Variants in DPP10 observed in about 807,000 individuals in gnomAD.
DPP10 encodes the protein dipeptidyl peptidase like 10.
In DPP10, 33 loss-of-function variants were observed where a neutral mutation model predicts 120.9. The observed-to-expected ratio is 0.27, with a 90% CI of 0.21 to 0.37. The LOEUF (loss-of-function observed/expected upper bound fraction) is 0.37. DPP10 is among the 10% of genes least tolerant of loss of function. The pLI is 1.00. For synonymous variants in DPP10, 337 were observed against 326.1 expected (o/e 1.03, Z -0.36); for missense variants, 816 against 942.8 (o/e 0.87, Z 1.76).
At chr2:115,808,075 C>T (rs1342583942) in intron 19 of DPP10, among the ~76,000 whole-genome samples, 1 of 152,100 alleles carries the variant, frequency 6.6e-6, no homozygotes, top group Non-Finnish European at 1.5e-5. Flanking sequence ...CGTAAGATAC[C>T]TTTAACATAT....
intron 1 of DPP10, chr2:115,233,996 G>A (rs754597441): frequency 3.9e-6 from 2 of 514,304 alleles, no homozygotes; most frequent in Non-Finnish European, 7.7e-6. Flanking sequence ...AAGTTAAATG[G>A]AGGTAGTGGG....
chr2:114,679,195 T>C (rs563233004), intron 1 of DPP10, among the ~76,000 whole-genome samples: 76 of 152,124 alleles, frequency 5.0e-4, no homozygotes, highest in East Asian at 1.6e-3. Context: ...ATTTCAAAAT[T>C]TTATTTTTGT....
In DPP10 at chr2:114,501,869, A is replaced by T. The variant is rs1683211577; in HGVS notation, c.60+59031A>T. On this transcript the variant is annotated intron_variant, in intron 1 of 25. Coordinates refer to ENST00000410059, the MANE Select transcript of DPP10 (RefSeq NM_020868.6). ...TAATTGATGAAGAAAGTGTCTTTCC[A>T]TCTGGTCAAACACCATTAAAGTGAG... Among the ~76,000 whole-genome samples the T allele has an allele frequency of 4.6e-5, 7 of 151,974 alleles. No homozygotes were observed. In the South Asian group the frequency reaches 1.5e-3, roughly 31 times the overall value.
intron 1 of DPP10, among the ~76,000 whole-genome samples, chr2:115,202,964 AAAC>A (rs1189461145): frequency 1.2e-4 from 18 of 151,392 alleles, no homozygotes; most frequent in South Asian, 4.1e-4. Flanking sequence ...AACAAACAAA[AAAC>A]AACAACAACA....
At chr2:115,612,576 G>A (rs1489737857) in intron 5 of DPP10, among the ~76,000 whole-genome samples, 1 of 152,102 alleles carries the variant, frequency 6.6e-6, no homozygotes, top group Non-Finnish European at 1.5e-5. Context: ...ATAGTGACGT[G>A]TTCTGCCAAA....
chr2:115,447,557 G>C (rs1043889341), intron 3 of DPP10, among the ~76,000 whole-genome samples: 1 of 152,150 alleles, frequency 6.6e-6, no homozygotes, highest in Non-Finnish European at 1.5e-5. Context: ...CTGGTGGTAG[G>C]TGATTGGATC....
intron 1 of DPP10, among the ~76,000 whole-genome samples, chr2:114,790,841 C>A (rs539542718): frequency 1.5e-3 from 229 of 152,296 alleles, no homozygotes; most frequent in African/African-American, 5.2e-3. Flanking sequence ...TTTTGTGATT[C>A]TTCAGTTACT....
At chr2:114,539,228 C>T (rs777223477) in intron 1 of DPP10, among the ~76,000 whole-genome samples, 8 of 147,968 alleles carry the variant, frequency 5.4e-5, no homozygotes, top group Admixed American at 2.0e-4. Flanking sequence ...ACTATTGATA[C>T]AATATATTAA....
chr2:114,996,304 C>T (rs1182781427), intron 1 of DPP10, among the ~76,000 whole-genome samples: 1 of 152,194 alleles, frequency 6.6e-6, no homozygotes, highest in Non-Finnish European at 1.5e-5. Context: ...TCACGTTCTA[C>T]TTTCTCTACT....
intron 1 of DPP10, among the ~76,000 whole-genome samples, chr2:114,741,030 A>G (rs1198287390): frequency 1.3e-5 from 2 of 152,186 alleles, no homozygotes; most frequent in South Asian, 2.1e-4. Flanking sequence ...GGTACTTTAT[A>G]TTTGTGGCAT....
At chr2:115,805,185 G>A (rs1685777838) in intron 19 of DPP10, among the ~76,000 whole-genome samples, 1 of 152,100 alleles carries the variant, frequency 6.6e-6, no homozygotes, top group South Asian at 2.1e-4. Flanking sequence ...TCAGACTGCT[G>A]TGCTAGCAAT....
rs35766316 is a variant in DPP10, at chr2:115,689,701, G to A, written c.456G>A (p.Ser152=). 0.1 allele frequency: 157,862 copies of A among 1,567,468 alleles called. 8,921 individuals carry two copies. The highest frequency in any genetic ancestry group is 0.12 in the Middle Eastern group (675 of 5,824). ...AYDVKQIFHY[S]YTASYVIYNI... is the part of the protein sequence containing the mutation. ...TTTAATTTCAGATTTTTCATTATTC[G>A]TATACTGCTTCATATGTGATTTACA... Residue 152 remains serine (S), a synonymous_variant, in exon 6 of 26, where the codon TCG becomes TCA. Transcript: ENST00000410059.
chr2:115,791,125 C>T lies in DPP10; in HGVS notation c.1576C>T (p.Leu526=). 3 of 1,613,418 alleles carry T rather than the reference C, an allele frequency of 1.9e-6. No homozygotes were observed. Among genetic ancestry groups the T allele is most frequent in the Non-Finnish European group, 2.5e-6 (3 of 1,179,740 alleles). The change falls in exon 18 of 26, where the codon CTG becomes TTG. Residue 526 remains leucine (L), a synonymous_variant. Transcript: ENST00000410059. ...CAATTCTATGCTGAAGGAAGCTATC[C>T]TGAAGAAGAAGATAGGAAAGCCAGA... is the stretch of plus-strand genomic sequence containing the variant. ...ESNSMLKEAI[L]KKKIGKPEIK...
At chr2:114,996,842 CG>C (rs1407484725) in intron 1 of DPP10, among the ~76,000 whole-genome samples, 2 of 151,606 alleles carry the variant, frequency 1.3e-5, no homozygotes, top group Admixed American at 1.3e-4. Context: ...ATTAGCTGGG[CG>C]TGGTGGCGCA....
chr2:115,601,870 A>G (rs1345570641), intron 5 of DPP10, among the ~76,000 whole-genome samples: 3 of 148,788 alleles, frequency 2.0e-5, no homozygotes, highest in Non-Finnish European at 4.5e-5. Context: ...TTTAATAGAG[A>G]CGGGGTTTCA....
chr2:115,802,177 G>A lies in DPP10; in HGVS notation c.1700+10821G>A, dbSNP rs141053042. On this transcript the variant is annotated intron_variant, in intron 19 of 25. Transcript: ENST00000410059. ...TTAGTCTTGGGATAGTGTATGTGTC[G>A]AGGAATTTATCCATTTCTTCTAGAT... Among the ~76,000 whole-genome samples, 19 of 151,960 alleles carry A rather than the reference G, an allele frequency of 1.3e-4. No homozygotes were observed. In the Admixed American group the frequency reaches 1.3e-3, roughly 10 times the overall value.
chr2:114,582,921 T>A (rs1690655363), intron 1 of DPP10, among the ~76,000 whole-genome samples: 1 of 152,202 alleles, frequency 6.6e-6, no homozygotes, highest in Admixed American at 6.5e-5. Flanking sequence ...ATTACTCCAG[T>A]AAGTCACATA....
intron 3 of DPP10, among the ~76,000 whole-genome samples, chr2:115,396,191 A>G (rs958975579): frequency 6.6e-6 from 1 of 152,144 alleles, no homozygotes; most frequent in Non-Finnish European, 1.5e-5. Context: ...ACTGATGTGG[A>G]TGATTATCTA....
intron 3 of DPP10, among the ~76,000 whole-genome samples, chr2:115,362,388 A>G (rs1277582050): frequency 6.6e-6 from 1 of 152,200 alleles, no homozygotes; most frequent in Non-Finnish European, 1.5e-5. Flanking sequence ...ATAAATGAAG[A>G]GCTTGAGTTT....
Sources: gnomAD v4.1 joint callset for allele counts (sites outside exome capture counted in the v4.1 genomes callset) on GRCh38, gnomAD v4.1.1 for gene constraint, MANE v1.5 for transcripts, NCBI Gene and HGNC (gene_info 2026-07-23, HGNC 2026-07-21) for gene names.